Variants in FAM135B observed in about 807,000 individuals in gnomAD.
FAM135B encodes family with sequence similarity 135 member B.
In FAM135B, 43 loss-of-function variants were observed where a neutral mutation model predicts 127.7. The ratio of observed to expected loss-of-function variants is 0.34; its 90% CI spans 0.26 to 0.43. The LOEUF (loss-of-function observed/expected upper bound fraction) is 0.43. Among genes scored for constraint, FAM135B ranks in the 20% least tolerant of loss-of-function variants. The pLI is 1.00. For synonymous variants in FAM135B, 670 were observed against 665.1 expected (o/e 1.01, Z -0.11); for missense variants, 1,558 against 1,725.6 (o/e 0.90, Z 1.72).
intron 3 of FAM135B, among the ~76,000 whole-genome samples, chr8:138,270,415 G>A (rs1405210087): frequency 6.6e-6 from 1 of 152,186 alleles, no homozygotes; most frequent in African/African-American, 2.4e-5. Flanking sequence ...AAATGCTCAG[G>A]GCTTCATGGG....
chr8:138,429,680 T>A (rs1280088973), intron 1 of FAM135B, among the ~76,000 whole-genome samples: 3 of 152,196 alleles, frequency 2.0e-5, no homozygotes, highest in African/African-American at 7.2e-5. Context: ...CTGTGTTTTG[T>A]CTTAAGCTGG....
intron 1 of FAM135B, among the ~76,000 whole-genome samples, chr8:138,447,934 C>G (rs1317858814): frequency 1.3e-5 from 2 of 151,582 alleles, no homozygotes; most frequent in Non-Finnish European, 2.9e-5. Context: ...TCATACGTGA[C>G]CATACTCTTT....
chr8:138,326,482 C>T (rs1436295602), intron 2 of FAM135B, among the ~76,000 whole-genome samples: 3 of 152,084 alleles, frequency 2.0e-5, no homozygotes, highest in Non-Finnish European at 4.4e-5. Flanking sequence ...TGAAATGTCA[C>T]GAGTAATTTA....
At chr8:138,186,537 C>T (rs182514836) in intron 9 of FAM135B, among the ~76,000 whole-genome samples, 6 of 152,208 alleles carry the variant, frequency 3.9e-5, no homozygotes, top group African/African-American at 9.6e-5. Flanking sequence ...TTTTGGGAAG[C>T]GGGTGTTGTT....
intron 7 of FAM135B, among the ~76,000 whole-genome samples, chr8:138,240,580 C>T (rs991816721): frequency 1.3e-5 from 2 of 152,194 alleles, no homozygotes; most frequent in Non-Finnish European, 2.9e-5. Flanking sequence ...CTGAGTATGG[C>T]AGGCATGGTG....
intron 2 of FAM135B, among the ~76,000 whole-genome samples, chr8:138,337,358 C>T (rs1828680972): frequency 6.6e-6 from 1 of 151,836 alleles, no homozygotes; most frequent in Non-Finnish European, 1.5e-5. Flanking sequence ...TCTAGAAAAC[C>T]CCACTGTCTC....
At chr8:138,219,462 T>C (rs556789707) in intron 7 of FAM135B, among the ~76,000 whole-genome samples, 1 of 152,286 alleles carries the variant, frequency 6.6e-6, no homozygotes, top group African/African-American at 2.4e-5. Flanking sequence ...CAGGTACCAA[T>C]AAATGCCCAG....
chr8:138,470,916 A>G (rs551617905), intron 1 of FAM135B, among the ~76,000 whole-genome samples: 12 of 152,356 alleles, frequency 7.9e-5, no homozygotes, highest in African/African-American at 2.9e-4. Flanking sequence ...GGAAAGTTCT[A>G]GCATTTTCTC....
chr8:138,153,751 C>T (rs1487349570), intron 12 of FAM135B, among the ~76,000 whole-genome samples: 1 of 152,140 alleles, frequency 6.6e-6, no homozygotes, highest in African/African-American at 2.4e-5. Context: ...GGGTGTCCAC[C>T]ATTGCTGAGG....
At chr8:138,401,041 CTAAT>C (rs1211048249) in intron 1 of FAM135B, among the ~76,000 whole-genome samples, 1 of 152,140 alleles carries the variant, frequency 6.6e-6, no homozygotes, top group Non-Finnish European at 1.5e-5. Context: ...TAGCAATCCT[CTAAT>C]TGGGCATTTA....
intron 1 of FAM135B, among the ~76,000 whole-genome samples, chr8:138,410,538 C>T (rs978184829): frequency 6.6e-6 from 1 of 152,144 alleles, no homozygotes; most frequent in African/African-American, 2.4e-5. Context: ...ACAAAATGCT[C>T]AACATCGCTA....
chr8:138,449,409 T>C (rs1036830644), intron 1 of FAM135B, among the ~76,000 whole-genome samples: 1 of 151,856 alleles, frequency 6.6e-6, no homozygotes, highest in South Asian at 2.1e-4. Flanking sequence ...GGAAGGGCTC[T>C]GAGAGAGGAC....
intron 7 of FAM135B, among the ~76,000 whole-genome samples, chr8:138,215,992 A>G (rs1307671285): frequency 6.6e-6 from 1 of 152,206 alleles, no homozygotes; most frequent in African/African-American, 2.4e-5. Context: ...AGTCAGTGGA[A>G]GCGATATTCA....
chr8:138,158,804 G>A (rs1268614573), intron 12 of FAM135B, among the ~76,000 whole-genome samples: 1 of 152,170 alleles, frequency 6.6e-6, no homozygotes, highest in African/African-American at 2.4e-5. Context: ...AGGTGCTGGA[G>A]AGGATGTGGA....
intron 6 of FAM135B, among the ~76,000 whole-genome samples, chr8:138,248,156 C>A (rs1438970691): frequency 6.6e-6 from 1 of 152,102 alleles, no homozygotes; most frequent in Non-Finnish European, 1.5e-5. Context: ...TGGTATGTAC[C>A]GAAACTGAAA....
chr8:138,238,579 G>A (rs1010561160), intron 7 of FAM135B, among the ~76,000 whole-genome samples: 37 of 152,298 alleles, frequency 2.4e-4, no homozygotes, highest in African/African-American at 7.2e-4. Context: ...GATTTTTTAC[G>A]CCAATCAGCT....
At chr8:138,204,335 C>T (rs1817391871) in intron 7 of FAM135B, among the ~76,000 whole-genome samples, 1 of 152,256 alleles carries the variant, frequency 6.6e-6, no homozygotes, top group Non-Finnish European at 1.5e-5. Flanking sequence ...ATCCCCTCCT[C>T]ATGCATACTT....
intron 1 of FAM135B, among the ~76,000 whole-genome samples, chr8:138,416,192 C>G (rs1834138006): frequency 6.6e-6 from 1 of 152,120 alleles, no homozygotes; most frequent in Non-Finnish European, 1.5e-5. Context: ...TTTTGGAGTA[C>G]AAAACTAGGA....
chr8:138,189,459 C>T (rs148854726), intron 9 of FAM135B, among the ~76,000 whole-genome samples: 30 of 152,336 alleles, frequency 2.0e-4, no homozygotes, highest in African/African-American at 5.5e-4. Context: ...CCCTCATTGG[C>T]GGAAAGCAAC....
Sources: gnomAD v4.1 joint callset for allele counts (sites outside exome capture counted in the v4.1 genomes callset) on GRCh38, gnomAD v4.1.1 for gene constraint, MANE v1.5 for transcripts, NCBI Gene and HGNC (gene_info 2026-07-23, HGNC 2026-07-21) for gene names.